HPSE2: variants seen among roughly 807,000 people sequenced by gnomAD.
HPSE2 encodes the protein inactive heparanase-2.
HPSE2 carries 38 observed loss-of-function variants against 60.5 expected under a neutral mutation model. That is an observed-to-expected ratio of 0.63 (90% CI 0.48 to 0.82). The LOEUF is 0.82. Among genes scored for constraint, HPSE2 ranks in the 40% least tolerant of loss-of-function variants. The pLI, the probability that HPSE2 is intolerant of heterozygous loss-of-function variation, is 0.00. For missense variants in HPSE2, 713 were observed against 740.4 expected (o/e 0.96, Z 0.43); for synonymous variants, 295 against 293.2 (o/e 1.01, Z -0.06).
intron 9 of HPSE2, among the ~76,000 whole-genome samples, chr10:98,603,231 G>C (rs190123312): frequency 1.5e-3 from 229 of 152,262 alleles, no homozygotes; most frequent in South Asian, 3.5e-3. Context: ...AACTGTGACT[G>C]TGCTGGAGGC....
intron 9 of HPSE2, among the ~76,000 whole-genome samples, chr10:98,600,926 T>TATATATATATATAAATA (rs71304999): frequency 6.5e-5 from 7 of 107,902 alleles, no homozygotes; most frequent in Admixed American, 5.0e-4. Flanking sequence ...TATATATATA[T>TATATATATATATAAATA]ATATATATAT....
intron 11 of HPSE2, among the ~76,000 whole-genome samples, chr10:98,481,817 A>T (rs1003235372): frequency 6.6e-6 from 1 of 152,218 alleles, no homozygotes; most frequent in African/African-American, 2.4e-5. Flanking sequence ...AAAATGGAAT[A>T]GGAATGCCTC....
intron 9 of HPSE2, among the ~76,000 whole-genome samples, chr10:98,560,516 C>T (rs1011298060): frequency 8.5e-5 from 13 of 152,244 alleles, no homozygotes; most frequent in Admixed American, 8.5e-4. Context: ...GACCAAAGCC[C>T]AGTCCTGGCC....
At chr10:99,053,811 C>G (rs989833007) in intron 3 of HPSE2, among the ~76,000 whole-genome samples, 1 of 140,982 alleles carries the variant, frequency 7.1e-6, no homozygotes, top group African/African-American at 2.6e-5. Context: ...TCACTGCAAC[C>G]TCCACCTCCT....
At chr10:98,811,048 TC>T (rs1412523545) in intron 3 of HPSE2, among the ~76,000 whole-genome samples, 8 of 152,154 alleles carry the variant, frequency 5.3e-5, no homozygotes, top group Admixed American at 2.0e-4. Context: ...TGCCTTCCTC[TC>T]CAACTGCATC....
chr10:98,815,854 A>C (rs950928016), intron 3 of HPSE2, among the ~76,000 whole-genome samples: 3 of 152,068 alleles, frequency 2.0e-5, no homozygotes, highest in Non-Finnish European at 4.4e-5. Context: ...TTTAAAATGC[A>C]TGATGAGTTC....
chr10:99,019,802 C>G (rs920292332), intron 3 of HPSE2, among the ~76,000 whole-genome samples: 2 of 151,920 alleles, frequency 1.3e-5, no homozygotes, highest in South Asian at 2.1e-4. Context: ...CTCTGCCCCC[C>G]AGATTCAAGC....
At chr10:99,097,789 T>G (rs1843771694) in intron 3 of HPSE2, among the ~76,000 whole-genome samples, 2 of 152,222 alleles carry the variant, frequency 1.3e-5, no homozygotes, top group Admixed American at 1.3e-4. Flanking sequence ...TATCTCGTTT[T>G]ATAGATAAGA....
intron 9 of HPSE2, among the ~76,000 whole-genome samples, chr10:98,590,374 G>A (rs117137379): frequency 0.012 from 1,883 of 152,318 alleles, 14 homozygotes; most frequent in Non-Finnish European, 0.019. Context: ...CCCAGGAGGC[G>A]GAGCTTGCAC....
At chr10:98,530,507 T>C (rs148884639) in intron 9 of HPSE2, among the ~76,000 whole-genome samples, 63 of 152,310 alleles carry the variant, frequency 4.1e-4, no homozygotes, top group African/African-American at 1.3e-3. Context: ...CTCTCCTTTA[T>C]CCATGTACAA....
chr10:99,290,956 G>A, the HPSE2 span, among the ~76,000 whole-genome samples: 1 of 152,150 alleles, frequency 6.6e-6, no homozygotes, highest in Non-Finnish European at 1.5e-5. Context: ...GATAGTCACT[G>A]ACATTTAGAA....
At chr10:99,248,009 T>A in the HPSE2 span, among the ~76,000 whole-genome samples, 2 of 152,236 alleles carry the variant, frequency 1.3e-5, no homozygotes, top group African/African-American at 4.8e-5. Flanking sequence ...ACTAAACCTC[T>A]TTTATTTATA....
chr10:98,522,262 A>T (rs1000283432), intron 9 of HPSE2, among the ~76,000 whole-genome samples: 14 of 152,144 alleles, frequency 9.2e-5, no homozygotes, highest in African/African-American at 3.4e-4. Flanking sequence ...ATGCAAAAAA[A>T]AAACAATAAA....
intron 5 of HPSE2, among the ~76,000 whole-genome samples, chr10:98,716,383 G>A (rs890994070): frequency 2.4e-4 from 37 of 151,312 alleles, no homozygotes; most frequent in Non-Finnish European, 3.0e-4. Flanking sequence ...ACATGTATAC[G>A]TATGTAACTA....
chr10:98,519,281 A>C (rs960342927), intron 9 of HPSE2, among the ~76,000 whole-genome samples: 31 of 152,342 alleles, frequency 2.0e-4, no homozygotes, highest in African/African-American at 7.2e-4. Flanking sequence ...CACCTTGAAG[A>C]GCTCATAGTT....
intron 5 of HPSE2, among the ~76,000 whole-genome samples, chr10:98,695,007 C>A (rs550972295): frequency 9.8e-5 from 15 of 152,348 alleles, no homozygotes; most frequent in Middle Eastern, 6.8e-3. Context: ...CTCTACTTTA[C>A]CCCAGCATAA....
chr10:98,729,763 G>T (rs543502579), intron 4 of HPSE2, among the ~76,000 whole-genome samples: 1 of 146,408 alleles, frequency 6.8e-6, no homozygotes, highest in Non-Finnish European at 1.5e-5. Context: ...AATGATAAAA[G>T]GCATTTTATA....
intron 9 of HPSE2, among the ~76,000 whole-genome samples, chr10:98,602,166 G>A (rs551665123): frequency 1.3e-5 from 2 of 152,212 alleles, no homozygotes; most frequent in South Asian, 2.1e-4. Flanking sequence ...CTAATTATTT[G>A]GAAGCAAACA....
At chr10:98,940,403 C>T (rs1205087088) in intron 3 of HPSE2, among the ~76,000 whole-genome samples, 1 of 142,898 alleles carries the variant, frequency 7.0e-6, no homozygotes, top group Non-Finnish European at 1.5e-5. Context: ...AAGGGGATAT[C>T]ACCACCGATC....
Sources: gnomAD v4.1 joint callset for allele counts (sites outside exome capture counted in the v4.1 genomes callset) on GRCh38, gnomAD v4.1.1 for gene constraint, MANE v1.5 for transcripts, NCBI Gene and HGNC (gene_info 2026-07-23, HGNC 2026-07-21) for gene names.